Variants in RFX4 observed in about 807,000 individuals in gnomAD.
RFX4 encodes regulatory factor X4.
A neutral mutation model predicts 95.0 loss-of-function variants in RFX4; 10 were observed. The observed-to-expected ratio is 0.11, with a 90% CI of 0.06 to 0.18. RFX4 has a LOEUF of 0.18. Ranked by LOEUF, RFX4 falls within the 10% of genes least tolerant of loss-of-function variation. The pLI, the probability that RFX4 is intolerant of heterozygous loss-of-function variation, is 1.00. For missense variants in RFX4, 640 were observed against 922.0 expected, an observed-to-expected ratio of 0.69 and a Z score of 3.96; for synonymous variants, 321 against 340.7, an observed-to-expected ratio of 0.94 and a Z score of 0.64.
At chr12:106,653,317 G>A (rs751747369) in intron 3 of RFX4, among the ~76,000 whole-genome samples, 1 of 152,198 alleles carries the variant, frequency 6.6e-6, no homozygotes, top group Non-Finnish European at 1.5e-5. Flanking sequence ...GCCCAAAAAT[G>A]TTTTCTGGAG....
At chr12:106,716,190 T>G (rs1269299534) in intron 11 of RFX4, among the ~76,000 whole-genome samples, 1 of 152,068 alleles carries the variant, frequency 6.6e-6, no homozygotes, top group East Asian at 1.9e-4. Context: ...CAGATGCCCA[T>G]CCCAGCTGAC....
At chr12:106,663,951 T>C (rs930278540) in intron 4 of RFX4, among the ~76,000 whole-genome samples, 1 of 151,886 alleles carries the variant, frequency 6.6e-6, no homozygotes, top group African/African-American at 2.4e-5. Flanking sequence ...TTATACATCA[T>C]TGGATTCAAT....
rs563099575 is a variant in RFX4, at chr12:106,737,619, T to G, written c.1633+4534T>G. ...CTCTCTCTATGGAACTACACCTACTTAGAGAAGGATTGAGCGGATGCTTAA... is the reference window on the plus strand; with the variant it reads ...CTCTCTCTATGGAACTACACCTACTGAGAGAAGGATTGAGCGGATGCTTAA... On this transcript the variant is annotated intron_variant, in intron 15 of 17. Coordinates refer to ENST00000392842, the MANE Select transcript of RFX4 (RefSeq NM_213594.3). 2.0e-5 allele frequency among the ~76,000 whole-genome samples: 3 copies of G among 152,098 alleles called. No homozygotes were observed. The South Asian group carries it at 6.2e-4, about 32-fold the overall frequency.
chr12:106,747,378 G>A (rs186155139), intron 15 of RFX4, 59 bp from the exon 16 acceptor site: 94 of 1,574,186 alleles, frequency 6.0e-5, no homozygotes, highest in Non-Finnish European at 8.1e-5. Flanking sequence ...ACTAAAGTAA[G>A]GAAGAACAAG....
chr12:106,732,057 G>T, intron 13 of RFX4, 73 bp from the exon 14 acceptor site: 3 of 1,579,404 alleles, frequency 1.9e-6, no homozygotes, highest in Non-Finnish European at 2.6e-6. Flanking sequence ...TGTAACTTGT[G>T]CAGTTGACCA....
At chr12:106,689,180 G>A in intron 6 of RFX4, 107 bp from the exon 7 acceptor site, 1 of 929,454 alleles carries the variant, frequency 1.1e-6, no homozygotes, top group African/African-American at 1.7e-5. Flanking sequence ...TAGGTGAATT[G>A]CATCCCCCCC....
chr12:106,660,253 A>G (rs2041045650), intron 4 of RFX4, among the ~76,000 whole-genome samples: 1 of 151,924 alleles, frequency 6.6e-6, no homozygotes. Flanking sequence ...TGGCAAATGC[A>G]ATTCCTGAGT....
chr12:106,709,447 G>A lies in RFX4; in HGVS notation c.934+17G>A, dbSNP rs370371490. On this transcript the variant is annotated intron_variant, in intron 9 of 17. Coordinates refer to ENST00000392842, the MANE Select transcript of RFX4 (RefSeq NM_213594.3). ...AGTTCGAATGTAAGTACTGAGTTGA[G>A]AGCGGGATGGAAGAGAGAATTACAT... 9 of 1,583,284 alleles carry A rather than the reference G, an allele frequency of 5.7e-6. No homozygotes were observed. Among genetic ancestry groups the A allele is most frequent in the Non-Finnish European group, 6.0e-6 (7 of 1,160,592 alleles).
chr12:106,673,101 A>G (rs1170196737), intron 4 of RFX4, among the ~76,000 whole-genome samples: 3 of 152,214 alleles, frequency 2.0e-5, no homozygotes, highest in Non-Finnish European at 4.4e-5. Flanking sequence ...GGGAAAGCAT[A>G]ATATACCACA....
At chr12:106,706,303 G>A (rs941150794) in intron 8 of RFX4, among the ~76,000 whole-genome samples, 4 of 152,194 alleles carry the variant, frequency 2.6e-5, no homozygotes, top group African/African-American at 9.7e-5. Flanking sequence ...TGAAAACATT[G>A]AGGAGTTTTA....
Position 106,758,549 on chromosome 12 carries a change from C to T in RFX4, c.1936-2648C>T, listed in dbSNP as rs192435481. ...GGGTTCTGTGGAAAAGAGCCCAAGT[C>T]CATTCTGTGACATTTTACCTACATG... On this transcript the variant is annotated intron_variant, in intron 17 of 17. Transcript: ENST00000392842. Among the ~76,000 whole-genome samples, 26 of 152,256 alleles carry T rather than the reference C, an allele frequency of 1.7e-4. No individual in the cohort carries two copies. In the East Asian group the frequency reaches 5.0e-3, roughly 29 times the overall value.
At chr12:106,597,868 G>T (rs2039644600) in intron 1 of RFX4, among the ~76,000 whole-genome samples, 1 of 152,102 alleles carries the variant, frequency 6.6e-6, no homozygotes, top group African/African-American at 2.4e-5. Flanking sequence ...TCTAAAAAAA[G>T]GTGGTTGGGA....
At chr12:106,684,870 A>G in intron 5 of RFX4, 2 of 1,600,974 alleles carry the variant, frequency 1.2e-6, no homozygotes, top group Non-Finnish European at 8.5e-7. Flanking sequence ...GCATTCAGAT[A>G]GATTCGAGAT....
chr12:106,627,494 G>A (rs947904430), intron 2 of RFX4, among the ~76,000 whole-genome samples: 4 of 152,084 alleles, frequency 2.6e-5, no homozygotes, highest in Non-Finnish European at 2.9e-5. Flanking sequence ...CCGAGACCAC[G>A]CCATTGCACT....
At chr12:106,636,557 T>C (rs967624942) in intron 2 of RFX4, among the ~76,000 whole-genome samples, 4 of 152,176 alleles carry the variant, frequency 2.6e-5, no homozygotes, top group African/African-American at 9.7e-5. Flanking sequence ...GTGGCATTTA[T>C]TCCAGGCTGG....
chr12:106,654,433 A>T, intron 4 of RFX4, 82 bp downstream of exon 4: 3 of 1,475,626 alleles, frequency 2.0e-6, no homozygotes, highest in Non-Finnish European at 2.7e-6. Flanking sequence ...CATTTTAGTT[A>T]TTTTTTTTAA....
intron 8 of RFX4, among the ~76,000 whole-genome samples, chr12:106,700,888 A>T (rs2041977181): frequency 6.6e-6 from 1 of 152,190 alleles, no homozygotes; most frequent in Non-Finnish European, 1.5e-5. Flanking sequence ...TTTTTGCTTT[A>T]GATAACTATC....
chr12:106,714,722 G>C (rs1473989129), intron 10 of RFX4, among the ~76,000 whole-genome samples: 2 of 151,672 alleles, frequency 1.3e-5, no homozygotes, highest in Non-Finnish European at 2.9e-5. Flanking sequence ...AAAAGCCACA[G>C]CTTTAAAGAA....
At chr12:106,728,756 G>C (rs1276564607) in intron 13 of RFX4, among the ~76,000 whole-genome samples, 5 of 152,044 alleles carry the variant, frequency 3.3e-5, no homozygotes, top group South Asian at 2.1e-4. Flanking sequence ...GCAATGAACT[G>C]TTTACTGCCC....
Sources: allele counts gnomAD v4.1 joint callset (sites outside exome capture counted in the v4.1 genomes callset), GRCh38; gene constraint gnomAD v4.1.1; transcripts MANE v1.5; gene names NCBI Gene and HGNC (gene_info 2026-07-23, HGNC 2026-07-21).